Variants in TDRD7 observed in about 807,000 individuals in gnomAD.
TDRD7 encodes tudor domain containing 7.
Under a neutral mutation model 109.8 loss-of-function variants are expected in TDRD7, and 47 were observed. The ratio of observed to expected loss-of-function variants is 0.43; its 90% CI spans 0.34 to 0.55. The LOEUF (loss-of-function observed/expected upper bound fraction) is 0.55, where lower values mean the gene tolerates loss of function less well. TDRD7 is among the 20% of genes least tolerant of loss of function. The pLI is 0.03. For synonymous variants in TDRD7, 424 were observed against 457.3 expected (o/e 0.93, Z 0.93); for missense variants, 1,164 against 1,319.2 (o/e 0.88, Z 1.82).
At chr9:97,431,194 A>G (rs1205201554) in intron 3 of TDRD7, 120 bp downstream of exon 3, 59 of 1,441,184 alleles carry the variant, frequency 4.1e-5, no homozygotes, top group Non-Finnish European at 5.6e-5. Context: ...TACATATGTC[A>G]GGGGAAAGAT....
rs532464236 is a variant in TDRD7, at chr9:97,493,527, G to A, written c.3077-2136G>A. ...GGCGAGATCACAGGACCACAGGACC[G>A]GGGCGAAATTAAAAGTGCTAATGAA... On this transcript the variant is annotated intron_variant, in intron 16 of 16. Coordinates refer to ENST00000355295, the MANE Select transcript of TDRD7 (RefSeq NM_014290.3). 5.3e-5 allele frequency among the ~76,000 whole-genome samples: 8 copies of A among 152,254 alleles called. No homozygotes were observed. In the East Asian group the frequency reaches 5.8e-4, roughly 11 times the overall value.
chr9:97,470,420 A>G, intron 8 of TDRD7, 138 bp from the exon 9 acceptor site: 1 of 752,770 alleles, frequency 1.3e-6, no homozygotes, highest in East Asian at 2.7e-5. Context: ...AGTCAGGGGC[A>G]CCTCCCCAGC....
intron 14 of TDRD7, 120 bp downstream of exon 14, chr9:97,481,058 A>AT (rs966802646): frequency 2.7e-5 from 22 of 819,976 alleles, no homozygotes; most frequent in African/African-American, 1.7e-4. Context: ...CATCCAACAC[A>AT]TTTTTTATAT....
At chr9:97,419,635 A>G (rs768976127) in intron 1 of TDRD7, among the ~76,000 whole-genome samples, 2 of 152,192 alleles carry the variant, frequency 1.3e-5, no homozygotes, top group African/African-American at 2.4e-5. Context: ...TGTCTCTGCC[A>G]TGAATTTCTA....
chr9:97,464,770 CAAA>C, intron 7 of TDRD7, 69 bp from the exon 8 acceptor site: 2 of 1,574,366 alleles, frequency 1.3e-6, no homozygotes, highest in South Asian at 2.2e-5. Flanking sequence ...AAAAGAAGGA[CAAA>C]AACGAATTCC....
At chr9:97,480,554 A>G (rs1829098882) in intron 13 of TDRD7, 4 of 427,760 alleles carry the variant, frequency 9.4e-6, no homozygotes, top group Non-Finnish European at 1.7e-5. Flanking sequence ...TGGGGCTGCA[A>G]CACCTGTCAT....
chr9:97,484,756 G>A (rs1203277268), intron 15 of TDRD7, among the ~76,000 whole-genome samples: 2 of 152,186 alleles, frequency 1.3e-5, no homozygotes, highest in Non-Finnish European at 2.9e-5. Context: ...AATTCAGCTT[G>A]TGTAGGTTTG....
At chr9:97,444,306 G>C (rs1332274700) in intron 6 of TDRD7, among the ~76,000 whole-genome samples, 1 of 152,190 alleles carries the variant, frequency 6.6e-6, no homozygotes, top group Non-Finnish European at 1.5e-5. Context: ...TTAGGTTATA[G>C]TAATTTGCTT....
intron 1 of TDRD7, among the ~76,000 whole-genome samples, chr9:97,417,360 A>G (rs2118203609): frequency 6.6e-6 from 1 of 152,258 alleles, no homozygotes; most frequent in South Asian, 2.1e-4. Context: ...ATAATAGTAT[A>G]TATTATATGA....
At chr9:97,465,923 CTG>C (rs1828815761) in intron 8 of TDRD7, among the ~76,000 whole-genome samples, 2 of 152,122 alleles carry the variant, frequency 1.3e-5, no homozygotes, top group Non-Finnish European at 2.9e-5. Context: ...GGGAAGGACA[CTG>C]TGTAGAAGGG....
chr9:97,493,900 C>G (rs571145217), intron 16 of TDRD7, among the ~76,000 whole-genome samples: 3 of 152,092 alleles, frequency 2.0e-5, no homozygotes, highest in African/African-American at 4.8e-5. Context: ...AAGGTTATCT[C>G]TCTTGTTCCC....
At chr9:97,432,299 A>G in intron 4 of TDRD7, 61 bp downstream of exon 4, 3 of 1,423,008 alleles carry the variant, frequency 2.1e-6, no homozygotes, top group South Asian at 1.2e-5. Flanking sequence ...TTACAAATGT[A>G]TGTTCAGGTT....
intron 12 of TDRD7, among the ~76,000 whole-genome samples, chr9:97,476,567 A>AG (rs1168315620): frequency 6.6e-6 from 1 of 150,974 alleles, no homozygotes; most frequent in Non-Finnish European, 1.5e-5. Context: ...CCAAAAAGAA[A>AG]AAAAAAAAAA....
chr9:97,474,618 C>G (rs998229530), intron 11 of TDRD7, among the ~76,000 whole-genome samples: 5 of 152,162 alleles, frequency 3.3e-5, no homozygotes, highest in African/African-American at 1.2e-4. Context: ...TTATCTTGTT[C>G]TGTGTTACAG....
At chr9:97,447,195 A>G (rs1828415898) in intron 6 of TDRD7, among the ~76,000 whole-genome samples, 1 of 152,136 alleles carries the variant, frequency 6.6e-6, no homozygotes, top group Non-Finnish European at 1.5e-5. Context: ...TGGAACTTGA[A>G]ACAGAAACTA....
chr9:97,488,349 A>G (rs966548704), intron 16 of TDRD7, among the ~76,000 whole-genome samples: 4 of 152,216 alleles, frequency 2.6e-5, no homozygotes, highest in African/African-American at 7.2e-5. Flanking sequence ...GAAATTGTGT[A>G]TATAGGTTCT....
chr9:97,456,674 A>G (rs1325516367), intron 6 of TDRD7, among the ~76,000 whole-genome samples: 1 of 152,258 alleles, frequency 6.6e-6, no homozygotes, highest in Admixed American at 6.5e-5. Flanking sequence ...AAAATAACTC[A>G]GGATGAATTA....
chr9:97,465,938 A>G (rs1187137622), intron 8 of TDRD7, among the ~76,000 whole-genome samples: 1 of 151,058 alleles, frequency 6.6e-6, no homozygotes, highest in Non-Finnish European at 1.5e-5. Flanking sequence ...TAGAAGGGTG[A>G]CCCTAGTTCC....
At chr9:97,452,003 A>G (rs934043427) in intron 6 of TDRD7, among the ~76,000 whole-genome samples, 3 of 152,236 alleles carry the variant, frequency 2.0e-5, no homozygotes, top group African/African-American at 7.2e-5. Context: ...GCTTTAAATT[A>G]TATTTTTTAA....
Sources: allele counts gnomAD v4.1 joint callset (sites outside exome capture counted in the v4.1 genomes callset), GRCh38; gene constraint gnomAD v4.1.1; transcripts MANE v1.5; gene names NCBI Gene and HGNC (gene_info 2026-07-23, HGNC 2026-07-21).